Variants in SLC19A2 observed in about 807,000 individuals in gnomAD.
The protein encoded by SLC19A2 is thiamine transporter 1.
Under a neutral mutation model 44.7 loss-of-function variants are expected in SLC19A2, and 27 were observed. The observed-to-expected ratio is 0.60, with a 90% CI of 0.45 to 0.83. SLC19A2 has a LOEUF of 0.83. SLC19A2 is among the 40% of genes least tolerant of loss of function. SLC19A2 has a pLI of 0.00. For missense variants in SLC19A2, 566 were observed against 613.7 expected, an observed-to-expected ratio of 0.92 and a Z score of 0.82; for synonymous variants, 239 against 243.6, an observed-to-expected ratio of 0.98 and a Z score of 0.18.
At chr1:169,485,961 C>CGCCCAGTTTAAGGGAG, upstream of SLC19A2, 2 of 660,220 alleles carry the variant, frequency 3.0e-6, no homozygotes, top group South Asian at 3.9e-5. Context: ...GCTGCCTGAT[C>CGCCCAGTTTAAGGGAG]GCCCAGTTTA....
At chr1:169,477,868 A>C in intron 1 of SLC19A2, 111 bp from the exon 2 acceptor site, 30 of 1,048,170 alleles carry the variant, frequency 2.9e-5, no homozygotes, top group Non-Finnish European at 3.9e-5. Context: ...CAAAGATCTC[A>C]ACCTTGACAA....
Position 169,468,733 on chromosome 1 carries a change from A to C in SLC19A2, c.1134T>G (p.Tyr378Ter). The C allele has an allele frequency of 6.2e-7, 1 of 1,612,770 alleles. No homozygotes were observed. The highest frequency in any genetic ancestry group is 8.5e-7 in the Non-Finnish European group (1 of 1,178,808). Residue 378 changes from tyrosine to a stop codon, truncating the protein, a stop_gained, in exon 4 of 6, where the codon TAT becomes TAG. Coordinates refer to ENST00000236137, the MANE Select transcript of SLC19A2 (RefSeq NM_006996.3). LOFTEE classifies it high-confidence loss of function. ...AAATGTTACCCACAGTGTCCATGAT[A>C]TACACTGCAGCAGCAATCAGGAGAG... is the stretch of plus-strand genomic sequence containing the variant. The part of the protein sequence containing the change: ...LFSLLIAAAV[Y>*]IMDTVGNIWV...
chr1:169,485,507 G>A, intron 1 of SLC19A2, 56 bp downstream of exon 1: 1 of 1,534,248 alleles, frequency 6.5e-7, no homozygotes, highest in East Asian at 2.4e-5. Flanking sequence ...TTCCTCCGCT[G>A]CCCACCCGCA....
At chr1:169,485,409 A>G (rs1396307888) in intron 1 of SLC19A2, among the ~76,000 whole-genome samples, 154 bp downstream of exon 1, 3 of 152,222 alleles carry the variant, frequency 2.0e-5, no homozygotes, top group Non-Finnish European at 4.4e-5. Context: ...AAAATCATGA[A>G]CACAAAGAAG....
rs1658076417 is a variant in SLC19A2 at position 169,468,125 on chromosome 1, C to G, written c.1351G>C (p.Glu451Gln). ...AGAGATCTTACCTGAGTGGTAATTT[C>G]TAATCCAAGGCCACTGGCATCTACC... ...IVVDASGLGL[E>Q]ITTQFLIYAS... The change falls in exon 5 of 6, where the codon GAA (glutamate) becomes CAA (glutamine). Residue 451 changes from glutamate to glutamine, a missense_variant. Coordinates refer to ENST00000236137, the MANE Select transcript of SLC19A2 (RefSeq NM_006996.3). 2 of 1,613,850 alleles carry G rather than the reference C, an allele frequency of 1.2e-6. No individual in the cohort carries two copies. Among genetic ancestry groups the G allele is most frequent in the Admixed American group, 1.7e-5 (1 of 59,990 alleles).
chr1:169,469,851 T>C lies in SLC19A2; in HGVS notation c.1030+113A>G, dbSNP rs1658122840. The C allele has an allele frequency of 2.8e-5, 28 of 984,700 alleles. No individual in the cohort carries two copies. The South Asian group carries it at 3.5e-4, about 12-fold the overall frequency. The allele number at this position is 984,700 out of a possible 1,614,324, so 61.0% of individuals were successfully genotyped here. Reference sequence around the variant, plus strand: ...TGTAAAATCTAGCTCAAAATAATCATTTTTTGAGGCTATTTCAAATTTGGG... The same window carrying C: ...TGTAAAATCTAGCTCAAAATAATCACTTTTTGAGGCTATTTCAAATTTGGG... On this transcript the variant is annotated intron_variant, in intron 3 of 5. Coordinates refer to ENST00000236137, the MANE Select transcript of SLC19A2 (RefSeq NM_006996.3).
chr1:169,468,775 C>A lies in SLC19A2; in HGVS notation c.1092G>T (p.Met364Ile), dbSNP rs756877440. The A allele has an allele frequency of 2.5e-6, 4 of 1,613,780 alleles. No individual in the cohort carries two copies. Among genetic ancestry groups the A allele is most frequent in the Admixed American group, 1.7e-5 (1 of 59,980 alleles). The change falls in exon 4 of 6, where the codon ATG (methionine) becomes ATT (isoleucine). Residue 364 changes from methionine (M) to isoleucine (I), a missense_variant. Transcript: ENST00000236137. Reference protein sequence around the residue: ...IKISWSTWGEMTLSLFSLLIA... With the variant: ...IKISWSTWGEITLSLFSLLIA... ...TCAGGAGAGAAAAGAGAGATAATGT[C>A]ATTTCTCCCCAAGTTGACCAGGATA...
Position 169,464,033 on chromosome 1 carries a change from T to C in SLC19A2, c.*1816A>G, listed in dbSNP as rs1657929701. The C allele has an allele frequency of 6.6e-6, 1 of 152,526 alleles. No individual in the cohort carries two copies. Among genetic ancestry groups the C allele is most frequent in the Non-Finnish European group, 1.5e-5 (1 of 67,972 alleles). 9.4% of individuals were successfully genotyped at this position (152,526 alleles called of 1,614,324 possible). A position where few individuals can be genotyped will look rare whatever the true frequency, so the allele number is the denominator to read the frequency against. Reference sequence around the variant, plus strand: ...CACTTATTTACAAAACTGCATACAGTACAACTTGCACATTGAGTTCAGCAT... The same window carrying C: ...CACTTATTTACAAAACTGCATACAGCACAACTTGCACATTGAGTTCAGCAT... On this transcript the variant is annotated 3_prime_UTR_variant, in exon 6 of 6. Transcript: ENST00000236137.
chr1:169,479,342 T>G (rs1178509794), intron 1 of SLC19A2, among the ~76,000 whole-genome samples: 1 of 152,222 alleles, frequency 6.6e-6, no homozygotes, highest in Non-Finnish European at 1.5e-5. Context: ...AAAAGAAGTT[T>G]TTGCTGTTTT....
chr1:169,469,080 A>C (rs768430502), intron 3 of SLC19A2: 40 of 507,474 alleles, frequency 7.9e-5, no homozygotes, highest in Admixed American at 3.1e-4. Context: ...TGCAGGACAA[A>C]GACACAGGGA....
intron 3 of SLC19A2, among the ~76,000 whole-genome samples, chr1:169,469,720 A>G (rs1321744051): frequency 1.3e-5 from 2 of 152,228 alleles, no homozygotes; most frequent in African/African-American, 4.8e-5. Flanking sequence ...TGGATAAACA[A>G]TCTTGAAAAT....
At chr1:169,469,883 G>A in intron 3 of SLC19A2, 81 bp downstream of exon 3, 2 of 1,307,560 alleles carry the variant, frequency 1.5e-6, no homozygotes, top group Non-Finnish European at 2.2e-6. Flanking sequence ...TGGGAGGGGT[G>A]AATAAATCTG....
rs776225226 is a variant in SLC19A2 at position 169,485,769 on chromosome 1, G to C, written c.-3C>G. 8.5e-6 allele frequency: 13 copies of C among 1,528,720 alleles called. No individual in the cohort carries two copies. The highest frequency in any genetic ancestry group is 2.5e-5 in the East Asian group (1 of 40,562). 94.7% of individuals were successfully genotyped at this position (1,528,720 alleles called of 1,614,324 possible). On this transcript the variant is annotated 5_prime_UTR_variant, in exon 1 of 6. Transcript: ENST00000236137. The stretch of plus-strand genomic sequence containing the variant: ...GACACCGGGCCGGGCACATCCATCC[G>C]GGGCGCGAGGGGAGGGGACCCGGCC...
In SLC19A2 at chr1:169,470,131, A is replaced by T; in HGVS notation, c.863T>A (p.Met288Lys). 2 of 1,614,146 alleles carry T rather than the reference A, an allele frequency of 1.2e-6. No homozygotes were observed. Among genetic ancestry groups the T allele is most frequent in the Non-Finnish European group, 1.7e-6 (2 of 1,179,984 alleles). ...VLKVLWNDFL[M>K]CYSSRPLLCW... ...GAGAAGAGGGCGAGAGGAGTAGCACATCAGGAAATCATTCCATAGTACTTT... is the reference window on the plus strand; with the variant it reads ...GAGAAGAGGGCGAGAGGAGTAGCACTTCAGGAAATCATTCCATAGTACTTT... Residue 288 changes from methionine (M) to lysine (K), a missense_variant, in exon 3 of 6, where the codon ATG becomes AAG. Transcript: ENST00000236137.
rs900418643 is a variant in SLC19A2, at chr1:169,480,990, A to T, written c.205-3233T>A. 3.9e-5 allele frequency among the ~76,000 whole-genome samples: 6 copies of T among 152,358 alleles called. No homozygotes were observed. The South Asian group carries it at 1.0e-3, about 26-fold the overall frequency. On this transcript the variant is annotated intron_variant, in intron 1 of 5. Coordinates refer to ENST00000236137, the MANE Select transcript of SLC19A2 (RefSeq NM_006996.3). ...TAACACTGCCAACCTTGCAATAACAACTAAAAACAAAAAGAAAGGCAAATA... is the reference window on the plus strand; with the variant it reads ...TAACACTGCCAACCTTGCAATAACATCTAAAAACAAAAAGAAAGGCAAATA...
chr1:169,468,213 G>T lies in SLC19A2; in HGVS notation c.1263C>A (p.Ala421=). 12 of 1,613,574 alleles carry T rather than the reference G, an allele frequency of 7.4e-6. No individual in the cohort carries two copies. Among genetic ancestry groups the T allele is most frequent in the Non-Finnish European group, 1.0e-5 (12 of 1,179,770 alleles). Residue 421 remains alanine (A), a synonymous_variant, in exon 5 of 6, where the codon GCC becomes GCA. Coordinates refer to ENST00000236137, the MANE Select transcript of SLC19A2 (RefSeq NM_006996.3). The part of the protein sequence containing the change: ...IAANLSMERY[A]LVFGVNTFIA... ...TGAAGGTATTTACACCAAATACTAGGGCATAGCGTTCCATGCTGAGGTTTG... is the reference window on the plus strand; with the variant it reads ...TGAAGGTATTTACACCAAATACTAGTGCATAGCGTTCCATGCTGAGGTTTG...
chr1:169,476,707 A>G lies in SLC19A2; in HGVS notation c.807+448T>C, dbSNP rs559828334. 4.7e-3 allele frequency among the ~76,000 whole-genome samples: 720 copies of G among 152,274 alleles called. 4 individuals are homozygous for G. The highest frequency in any genetic ancestry group is 8.1e-3 in the Non-Finnish European group (549 of 68,024). On this transcript the variant is annotated intron_variant, in intron 2 of 5. Coordinates refer to ENST00000236137, the MANE Select transcript of SLC19A2 (RefSeq NM_006996.3). Reference sequence around the variant, plus strand: ...TGTTCTCCAGCCTCAGCAATAGAGCAAGACTCTGTCTCAAAAATAATAATA... The same window carrying G: ...TGTTCTCCAGCCTCAGCAATAGAGCGAGACTCTGTCTCAAAAATAATAATA...
intron 2 of SLC19A2, chr1:169,474,243 C>T (rs1057358331): frequency 1.3e-5 from 2 of 152,032 alleles, no homozygotes; most frequent in South Asian, 4.1e-4. Context: ...GTTTAGAGAC[C>T]TTAGACATGC....
chr1:169,485,753 C>T lies in SLC19A2; in HGVS notation c.14G>A (p.Gly5Asp), dbSNP rs1658547855. 2.0e-6 allele frequency: 3 copies of T among 1,534,398 alleles called. No individual in the cohort carries two copies. Among genetic ancestry groups the T allele is most frequent in the African/African-American group, 2.7e-5 (2 of 72,764 alleles). ...CGCCGCCGCCCGCCGAGACACCGGG[C>T]CGGGCACATCCATCCGGGGCGCGAG... MDVPGPVSRRAAAAA... is the reference protein window; with the variant it reads MDVPDPVSRRAAAAA... Residue 5 changes from glycine to aspartate, a missense_variant, in exon 1 of 6, where the codon GGC (glycine) becomes GAC (aspartate). By Grantham distance (94) the Gly-to-Asp change is moderately conservative (BLOSUM62 -1). Coordinates refer to ENST00000236137, the MANE Select transcript of SLC19A2 (RefSeq NM_006996.3).
Sources: gnomAD v4.1 joint callset for allele counts (sites outside exome capture counted in the v4.1 genomes callset) on GRCh38, gnomAD v4.1.1 for gene constraint, MANE v1.5 for transcripts, NCBI Gene and HGNC (gene_info 2026-07-23, HGNC 2026-07-21) for gene names.